The following NDUFAF2 variants were observed in gnomAD, a reference collection of about 807,000 sequenced individuals.
The protein encoded by NDUFAF2 is NADH:ubiquinone oxidoreductase complex assembly factor 2.
Under a neutral mutation model 22.8 loss-of-function variants are expected in NDUFAF2, and 13 were observed. The observed-to-expected ratio is 0.57, with a 90% CI of 0.37 to 0.91. The LOEUF (loss-of-function observed/expected upper bound fraction) is 0.91. Ranked by LOEUF, NDUFAF2 falls within the 40% of genes least tolerant of loss-of-function variation. NDUFAF2 has a pLI of 0.01. For synonymous variants in NDUFAF2, 53 were observed against 64.2 expected (o/e 0.83, Z 0.84); for missense variants, 162 against 195.2 (o/e 0.83, Z 1.01).
intron 1 of NDUFAF2, among the ~76,000 whole-genome samples, chr5:60,972,279 T>A (rs1750843581): frequency 6.6e-6 from 1 of 151,750 alleles, no homozygotes; most frequent in Non-Finnish European, 1.5e-5. Flanking sequence ...TTTGATATGG[T>A]TTGGCTCTGT....
At chr5:60,966,453 G>A (rs903034537) in intron 1 of NDUFAF2, among the ~76,000 whole-genome samples, 2 of 151,986 alleles carry the variant, frequency 1.3e-5, no homozygotes, top group African/African-American at 2.4e-5. Context: ...AGGCCAAAAA[G>A]CATTCCCCTC....
intron 3 of NDUFAF2, among the ~76,000 whole-genome samples, chr5:61,130,360 C>G (rs1032887129): frequency 1.3e-5 from 2 of 152,080 alleles, no homozygotes; most frequent in African/African-American, 4.8e-5. Flanking sequence ...GCATGTAATT[C>G]ATTTTGAAAA....
intron 1 of NDUFAF2, among the ~76,000 whole-genome samples, chr5:60,947,823 T>C (rs1156514908): frequency 6.6e-6 from 1 of 151,980 alleles, no homozygotes; most frequent in African/African-American, 2.4e-5. Flanking sequence ...TTATACCAGT[T>C]TTTGTATCAT....
chr5:61,100,914 G>T (rs1321325448), intron 3 of NDUFAF2, among the ~76,000 whole-genome samples: 2 of 151,994 alleles, frequency 1.3e-5, no homozygotes, highest in African/African-American at 4.8e-5. Context: ...CTTACTGATG[G>T]TCGAGATTAG....
intron 1 of NDUFAF2, among the ~76,000 whole-genome samples, chr5:61,032,841 C>T (rs2112610633): frequency 6.6e-6 from 1 of 152,136 alleles, no homozygotes; most frequent in Middle Eastern, 3.4e-3. Flanking sequence ...TGGGATTACT[C>T]AGTCAAATGG....
chr5:60,987,959 C>T (rs534795014), intron 1 of NDUFAF2, among the ~76,000 whole-genome samples: 3 of 152,206 alleles, frequency 2.0e-5, no homozygotes, highest in African/African-American at 7.2e-5. Context: ...AAAAGGCACC[C>T]AAATAGGCAA....
chr5:60,956,777 G>A (rs1460770824), intron 1 of NDUFAF2, among the ~76,000 whole-genome samples: 1 of 152,024 alleles, frequency 6.6e-6, no homozygotes, highest in Non-Finnish European at 1.5e-5. Context: ...TATACTTTCT[G>A]TATTTCTGTG....
In NDUFAF2 at chr5:61,041,592, C is replaced by T. The variant is rs192973704; in HGVS notation, c.128-31533C>T. Among the ~76,000 whole-genome samples, 14 of 152,266 alleles carry T rather than the reference C, an allele frequency of 9.2e-5. No homozygotes were observed. In the East Asian group the frequency reaches 1.9e-3, roughly 21 times the overall value. ...CGAGTTTAAAACTTGGTAGACTTAACTATGTGACTCTTTCAGTTACTGCAA... is the reference window on the plus strand; with the variant it reads ...CGAGTTTAAAACTTGGTAGACTTAATTATGTGACTCTTTCAGTTACTGCAA... On this transcript the variant is annotated intron_variant, in intron 1 of 3. Transcript: ENST00000296597.
intron 1 of NDUFAF2, among the ~76,000 whole-genome samples, chr5:60,985,818 A>C (rs1434582568): frequency 1.3e-5 from 2 of 151,502 alleles, no homozygotes; most frequent in African/African-American, 4.9e-5. Context: ...TAATTCAATC[A>C]CCTCCCCACT....
At chr5:61,011,089 ATG>A in intron 1 of NDUFAF2, among the ~76,000 whole-genome samples, 1 of 152,282 alleles carries the variant, frequency 6.6e-6, no homozygotes, top group Middle Eastern at 3.4e-3. Flanking sequence ...TATCTGCTTT[ATG>A]TGAGAGAAAA....
chr5:61,089,029 AT>A (rs1752537368), intron 2 of NDUFAF2, among the ~76,000 whole-genome samples: 1 of 152,078 alleles, frequency 6.6e-6, no homozygotes, highest in African/African-American at 2.4e-5. Context: ...TGTACTTGCC[AT>A]TTTTAGCACC....
chr5:61,150,006 T>G (rs1230630516), intron 3 of NDUFAF2, among the ~76,000 whole-genome samples: 2 of 152,164 alleles, frequency 1.3e-5, no homozygotes, highest in Non-Finnish European at 2.9e-5. Context: ...CTCAGCTCAC[T>G]GCAACCTCCA....
At chr5:61,106,481 A>T (rs570198109) in intron 3 of NDUFAF2, among the ~76,000 whole-genome samples, 3 of 151,444 alleles carry the variant, frequency 2.0e-5, no homozygotes, top group Admixed American at 2.0e-4. Context: ...ACAATGCGTA[A>T]TAATCACATC....
At chr5:61,122,759 A>C (rs1391689193) in intron 3 of NDUFAF2, among the ~76,000 whole-genome samples, 1 of 152,194 alleles carries the variant, frequency 6.6e-6, no homozygotes, top group Non-Finnish European at 1.5e-5. Flanking sequence ...AGCATATAAA[A>C]GTCCTGTGGC....
intron 1 of NDUFAF2, among the ~76,000 whole-genome samples, chr5:61,071,046 A>C (rs1752292347): frequency 6.6e-6 from 1 of 152,218 alleles, no homozygotes; most frequent in Non-Finnish European, 1.5e-5. Context: ...TAAATTATAA[A>C]TACTAAATTT....
At chr5:61,118,361 C>G (rs1361185729) in intron 3 of NDUFAF2, among the ~76,000 whole-genome samples, 3 of 152,152 alleles carry the variant, frequency 2.0e-5, no homozygotes, top group Non-Finnish European at 4.4e-5. Context: ...TGGCCAGGCT[C>G]CGTGCCTTAT....
At chr5:60,973,657 T>G (rs1350353685) in intron 1 of NDUFAF2, among the ~76,000 whole-genome samples, 1 of 152,128 alleles carries the variant, frequency 6.6e-6, no homozygotes. Flanking sequence ...AGTATTTTTG[T>G]TTTTGGAGTC....
chr5:61,098,642 G>A (rs1343286507), intron 2 of NDUFAF2, among the ~76,000 whole-genome samples: 1 of 152,126 alleles, frequency 6.6e-6, no homozygotes. Context: ...CTTGAAGTTT[G>A]CTGTATTTTG....
chr5:61,074,911 C>T (rs546880545), intron 2 of NDUFAF2, among the ~76,000 whole-genome samples: 8 of 152,246 alleles, frequency 5.3e-5, no homozygotes, highest in African/African-American at 1.4e-4. Context: ...ACCTTCTTTG[C>T]GTGGCAGCGG....
Sources: gnomAD v4.1 joint callset for allele counts (sites outside exome capture counted in the v4.1 genomes callset) on GRCh38, gnomAD v4.1.1 for gene constraint, MANE v1.5 for transcripts, NCBI Gene and HGNC (gene_info 2026-07-23, HGNC 2026-07-21) for gene names.